The following RXRB variants were observed in gnomAD, a reference collection of about 807,000 sequenced individuals.
The protein encoded by RXRB is retinoic acid receptor RXR-beta.
RXRB carries 18 observed loss-of-function variants against 52.5 expected under a neutral mutation model. The observed-to-expected ratio is 0.34, with a 90% CI of 0.24 to 0.51. The LOEUF is 0.51. Among genes scored for constraint, RXRB ranks in the 20% least tolerant of loss-of-function variants. The pLI is 0.97. For missense variants in RXRB, 455 were observed against 698.2 expected, an observed-to-expected ratio of 0.65 and a Z score of 3.92; for synonymous variants, 233 against 267.1, an observed-to-expected ratio of 0.87 and a Z score of 1.25.
Position 33,196,293 on chromosome 6 carries a change from A to T in RXRB, c.993+141T>A, listed in dbSNP as rs755139465. On this transcript the variant is annotated intron_variant, in intron 5 of 9. Transcript: ENST00000374680. This position sits in a 1 kb window ranked among gnomAD's most constrained non-coding sequence, Gnocchi z 4.0. ...CACATCCACCTCAGATGTTTGAAAG[A>T]CCTTGTTTGGCAGCACCTCCAGTCC... The T allele has an allele frequency of 9.8e-7, 1 of 1,020,304 alleles. No individual in the cohort carries two copies. The highest frequency in any genetic ancestry group is 1.5e-6 in the Non-Finnish European group (1 of 648,690). 63.2% of individuals were successfully genotyped at this position (1,020,304 alleles called of 1,614,324 possible).
chr6:33,195,779 A>AAAGAGG lies in RXRB; in HGVS notation c.1124-83_1124-78dup. 6.3e-7 allele frequency: 1 copy of AAAGAGG among 1,599,486 alleles called. No homozygotes were observed. The highest frequency in any genetic ancestry group is 8.5e-7 in the Non-Finnish European group (1 of 1,173,562). On this transcript the variant is annotated intron_variant, in intron 6 of 9. Transcript: ENST00000374680. This position sits in a 1 kb window ranked among gnomAD's most constrained non-coding sequence, Gnocchi z 8.6. ...AGCACATCAGTGGAAGAGAAGGAGA[A>AAAGAGG]AAGAGGTGGCGAGGTCAGCAAGTTT...
At position 33,195,811 on chromosome 6, in the gene RXRB, C is replaced by T; in HGVS notation, c.1123+96G>A. 1 of 1,599,960 alleles carries T rather than the reference C, an allele frequency of 6.3e-7. No individual in the cohort carries two copies. Among genetic ancestry groups the T allele is most frequent in the East Asian group, 2.2e-5 (1 of 44,710 alleles). Reference sequence around the variant, plus strand: ...TGGCGAGGTCAGCAAGTTTGGCTCCCTGGGTACGCAAGGTAAGGCCACTGG... The same window carrying T: ...TGGCGAGGTCAGCAAGTTTGGCTCCTTGGGTACGCAAGGTAAGGCCACTGG... On this transcript the variant is annotated intron_variant, in intron 6 of 9. Transcript: ENST00000374680. The surrounding 1 kb of genome is among the most constrained non-coding windows in gnomAD (Gnocchi z 8.6).
Position 33,198,564 on chromosome 6 carries a change from C to T in RXRB, c.484-100G>A, listed in dbSNP as rs770891765. 9.8e-6 allele frequency: 11 copies of T among 1,122,192 alleles called. No individual in the cohort carries two copies. The South Asian group carries it at 1.4e-4, about 14-fold the overall frequency. The allele number at this position is 1,122,192 out of a possible 1,614,324, so 69.5% of individuals were successfully genotyped here. On this transcript the variant is annotated intron_variant, in intron 2 of 9. Transcript: ENST00000374680. ...TTCCCTACCACTAAGCAAGGCCCTG[C>T]AATGCACATTCCAGAGGCTGTCATT...
rs1443633564 is a variant in RXRB, at chr6:33,196,004, T to C, written c.1026A>G (p.Ala342=). ...PNDPVTNICQ[A]ADKQLFTLVE... ...CAAGCGTGAATAGCTGTTTGTCAGC[T>C]GCCTGACAGATGTTAGTCACAGGGT... The change falls in exon 6 of 10, where the codon GCA becomes GCG. Residue 342 remains alanine (A), a synonymous_variant. Transcript: ENST00000374680. This position sits in a 1 kb window ranked among gnomAD's most constrained non-coding sequence, Gnocchi z 4.0. 6.2e-7 allele frequency: 1 copy of C among 1,613,078 alleles called. No homozygotes were observed. Among genetic ancestry groups the C allele is most frequent in the Non-Finnish European group, 8.5e-7 (1 of 1,180,018 alleles).
chr6:33,200,227 T>G lies in RXRB; in HGVS notation c.235+15A>C, dbSNP rs1447681759. The G allele has an allele frequency of 6.2e-7, 1 of 1,604,328 alleles. No individual in the cohort carries two copies. Among genetic ancestry groups the G allele is most frequent in the Non-Finnish European group, 8.5e-7 (1 of 1,176,744 alleles). On this transcript the variant is annotated intron_variant, in intron 1 of 9. Transcript: ENST00000374680. This position sits in a 1 kb window ranked among gnomAD's most constrained non-coding sequence, Gnocchi z 6.3. ...GCGGTCACTGGCTCGCCTGCCCTTC[T>G]GCTGGGGCACTCACCCCGCCCGCTG...
chr6:33,199,147 T>G, intron 2 of RXRB, 22 bp downstream of exon 2: 1 of 1,292,748 alleles, frequency 7.7e-7, no homozygotes, highest in Non-Finnish European at 9.9e-7. Flanking sequence ...GGCCAGGCAG[T>G]AAGTTGGTCA....
intron 1 of RXRB, chr6:33,199,714 A>AG: frequency 2.3e-6 from 1 of 432,722 alleles, no homozygotes; most frequent in Non-Finnish European, 4.3e-6. Context: ...AAAACAGCGT[A>AG]ACTCCTCATT....
Position 33,196,955 on chromosome 6 carries a change from T to C in RXRB, c.821-349A>G, listed in dbSNP as rs1471676641. Among the ~76,000 whole-genome samples the C allele has an allele frequency of 6.6e-6, 1 of 152,238 alleles. No individual in the cohort carries two copies. The highest frequency in any genetic ancestry group is 1.5e-5 in the Non-Finnish European group (1 of 68,048). ...TGCCAAGAAACATGCTAAGCACATTTTACCATTCACTCAATTATCATAATG... is the reference window on the plus strand; with the variant it reads ...TGCCAAGAAACATGCTAAGCACATTCTACCATTCACTCAATTATCATAATG... On this transcript the variant is annotated intron_variant, in intron 4 of 9. Coordinates refer to ENST00000374680, the MANE Select transcript of RXRB (RefSeq NM_021976.5). The surrounding 1 kb of genome is among the most constrained non-coding windows in gnomAD (Gnocchi z 4.0).
Position 33,195,037 on chromosome 6 carries a change from G to A in RXRB, c.1362C>T (p.Leu454=). The A allele has an allele frequency of 6.2e-7, 1 of 1,612,112 alleles. No homozygotes were observed. The highest frequency in any genetic ancestry group is 8.5e-7 in the Non-Finnish European group (1 of 1,179,300). The change falls in exon 9 of 10, where the codon CTC becomes CTT. Residue 454 remains leucine, a synonymous_variant. Transcript: ENST00000374680. The surrounding 1 kb of genome is among the most constrained non-coding windows in gnomAD (Gnocchi z 8.6). ...GGACCTCCACCTCACTAGGGTTGGA[G>A]AGGCCCTTGGCATCTGGGATGGCAG... ...IILFNPDAKG[L]SNPSEVEVLR...
At position 33,195,237 on chromosome 6, in the gene RXRB, C is replaced by T; in HGVS notation, c.1348+126G>A. On this transcript the variant is annotated intron_variant, in intron 8 of 9. Transcript: ENST00000374680. The surrounding 1 kb of genome is among the most constrained non-coding windows in gnomAD (Gnocchi z 8.6). ...TCCGTGGATGTGGGTTTTTCCTCGG[C>T]CAGTTGGGAGATTTCCAGGTTGAGG... is the stretch of plus-strand genomic sequence containing the variant. 5.0e-6 allele frequency: 4 copies of T among 794,494 alleles called. No individual in the cohort carries two copies. Among genetic ancestry groups the T allele is most frequent in the Non-Finnish European group, 8.6e-6 (4 of 466,592 alleles). The allele number at this position is 794,494 out of a possible 1,614,324, so 49.2% of individuals were successfully genotyped here.
At position 33,196,659 on chromosome 6, in the gene RXRB, G is replaced by A. The variant is rs1773923272; in HGVS notation, c.821-53C>T. On this transcript the variant is annotated intron_variant, in intron 4 of 9. Transcript: ENST00000374680. This position sits in a 1 kb window ranked among gnomAD's most constrained non-coding sequence, Gnocchi z 4.0. ...TGGAAAGTCAGCAGCCAGCCATGAA[G>A]GGGTTCCACAAATATCCTTACGGCC... 2 of 1,481,114 alleles carry A rather than the reference G, an allele frequency of 1.4e-6. No homozygotes were observed. The highest frequency in any genetic ancestry group is 2.8e-5 in the African/African-American group (2 of 71,488). 91.7% of individuals were successfully genotyped at this position (1,481,114 alleles called of 1,614,324 possible).
chr6:33,197,022 G>A lies in RXRB; in HGVS notation c.821-416C>T, dbSNP rs1366392481. ...TTCTCATTTTTAAGATGAAGAACTC[G>A]GGGTTCAAAGAGATTAGTTTGCTTA... On this transcript the variant is annotated intron_variant, in intron 4 of 9. Coordinates refer to ENST00000374680, the MANE Select transcript of RXRB (RefSeq NM_021976.5). The surrounding 1 kb of genome is among the most constrained non-coding windows in gnomAD (Gnocchi z 4.4). Among the ~76,000 whole-genome samples the A allele has an allele frequency of 1.3e-5, 2 of 152,138 alleles. No homozygotes were observed. The highest frequency in any genetic ancestry group is 4.8e-5 in the African/African-American group (2 of 41,410).
rs2150654710 is a variant in RXRB, at chr6:33,194,105, C to G, written c.*577G>C. 3 of 152,538 alleles carry G rather than the reference C, an allele frequency of 2.0e-5. No homozygotes were observed. The highest frequency in any genetic ancestry group is 7.2e-5 in the African/African-American group (3 of 41,580). 9.4% of individuals were successfully genotyped at this position (152,538 alleles called of 1,614,324 possible). ...ACATCTCCACCAGCCCCTTCACCAC[C>G]ACCACCACCTTTTTTATATTTCAGT... On this transcript the variant is annotated 3_prime_UTR_variant, in exon 10 of 10. Coordinates refer to ENST00000374680, the MANE Select transcript of RXRB (RefSeq NM_021976.5). The surrounding 1 kb of genome is among the most constrained non-coding windows in gnomAD (Gnocchi z 4.1).
At position 33,194,635 on chromosome 6, in the gene RXRB, G is replaced by T; in HGVS notation, c.*47C>A. ...TGCCCCAGGGCTTGGAGTCCCTCTT[G>T]GATGTGTGCTCCTCCAGTGTGAGAA... On this transcript the variant is annotated 3_prime_UTR_variant, in exon 10 of 10. Transcript: ENST00000374680. The surrounding 1 kb of genome is among the most constrained non-coding windows in gnomAD (Gnocchi z 4.1). The T allele has an allele frequency of 6.3e-7, 1 of 1,595,772 alleles. No homozygotes were observed. Among genetic ancestry groups the T allele is most frequent in the South Asian group, 1.1e-5 (1 of 88,568 alleles).
In RXRB at chr6:33,197,881, C is replaced by T; in HGVS notation, c.701G>A (p.Arg234His). The T allele has an allele frequency of 6.2e-7, 1 of 1,613,614 alleles. No homozygotes were observed. Among genetic ancestry groups the T allele is most frequent in the Non-Finnish European group, 8.5e-7 (1 of 1,180,010 alleles). ...CCGGCAAGAGTATGTAAGGTCTTTGCGGATGGTGCGTTTGAAGAAGCCCTT... is the reference window on the plus strand; with the variant it reads ...CCGGCAAGAGTATGTAAGGTCTTTGTGGATGGTGCGTTTGAAGAAGCCCTT... Reference protein sequence around the residue: ...GCKGFFKRTIRKDLTYSCRDN... With the variant: ...GCKGFFKRTIHKDLTYSCRDN... Residue 234 changes from arginine to histidine, a missense_variant, in exon 4 of 10, where the codon CGC becomes CAC. Physicochemically the swap from Arg to His is conservative, Grantham distance 29 (BLOSUM62 0). Around this residue, in one of 4 missense-constraint regions of RXRB, gnomAD observed 100 missense variants for 141.9 expected, o/e 0.70. Coordinates refer to ENST00000374680, the MANE Select transcript of RXRB (RefSeq NM_021976.5). The surrounding 1 kb of genome is among the most constrained non-coding windows in gnomAD (Gnocchi z 4.4).
chr6:33,200,765 A>G (rs555166751), upstream of RXRB: 98 of 1,535,002 alleles, frequency 6.4e-5, no homozygotes, highest in Non-Finnish European at 8.4e-5. The surrounding 1 kb of genome is among the most constrained non-coding windows in gnomAD (Gnocchi z 6.3). Flanking sequence ...CCCTCAAATC[A>G]CCTCCACACT....
rs1782700172 is a variant in RXRB at position 33,200,166 on chromosome 6, A to G, written c.235+76T>C. On this transcript the variant is annotated intron_variant, in intron 1 of 9. Coordinates refer to ENST00000374680, the MANE Select transcript of RXRB (RefSeq NM_021976.5). This position sits in a 1 kb window ranked among gnomAD's most constrained non-coding sequence, Gnocchi z 6.3. ...GGGGCGGGAGCGCAAGGAAAAGAGC[A>G]CCGGGGGAGGGTGTGGGGGAGGGGT... The G allele has an allele frequency of 1.3e-6, 2 of 1,559,280 alleles. No individual in the cohort carries two copies. Among genetic ancestry groups the G allele is most frequent in the Admixed American group, 3.4e-5 (2 of 58,514 alleles).
intron 1 of RXRB, chr6:33,199,952 G>T (rs758086431): frequency 5.4e-6 from 4 of 740,736 alleles, no homozygotes; most frequent in Non-Finnish European, 9.9e-6. Flanking sequence ...TAAGACGCAG[G>T]ATCTGCCTGT....
Position 33,197,614 on chromosome 6 carries a change from GGGA to G in RXRB, c.820+145_820+147del. On this transcript the variant is annotated intron_variant, in intron 4 of 9. Coordinates refer to ENST00000374680, the MANE Select transcript of RXRB (RefSeq NM_021976.5). This position sits in a 1 kb window ranked among gnomAD's most constrained non-coding sequence, Gnocchi z 4.4. ...ACTCAAGGGCCAGAACAGGGTAACA[GGGA>G]GGAGAGCTGCGAAGGGAGAGAGAAA... The G allele has an allele frequency of 1.3e-6, 1 of 742,282 alleles. No individual in the cohort carries two copies. The highest frequency in any genetic ancestry group is 2.2e-6 in the Non-Finnish European group (1 of 462,886). 46.0% of individuals were successfully genotyped at this position (742,282 alleles called of 1,614,324 possible). A position where few individuals can be genotyped will look rare whatever the true frequency, so the allele number is the denominator to read the frequency against.
Sources: allele counts gnomAD v4.1 joint callset (sites outside exome capture counted in the v4.1 genomes callset), GRCh38; gene constraint gnomAD v4.1.1; regional missense constraint gnomAD v4.1.1; non-coding constraint Gnocchi (gnomAD v3.1); transcripts MANE v1.5; gene names NCBI Gene and HGNC (gene_info 2026-07-23, HGNC 2026-07-21).